NFXL1: variants seen among roughly 807,000 people sequenced by gnomAD.
NFXL1 encodes the protein nuclear transcription factor, X-box binding like 1.
NFXL1 carries 66 observed loss-of-function variants against 123.3 expected under a neutral mutation model. The observed-to-expected ratio is 0.54, with a 90% CI of 0.44 to 0.66. The LOEUF (loss-of-function observed/expected upper bound fraction) is 0.66, where lower values mean the gene tolerates loss of function less well. NFXL1 is among the 30% of genes least tolerant of loss of function. NFXL1 has a pLI of 0.00. For missense variants in NFXL1, 944 were observed against 1,125.6 expected (o/e 0.84, Z 2.31); for synonymous variants, 346 against 360.8 (o/e 0.96, Z 0.46).
At chr4:47,881,939 T>C (rs1375232273) in intron 15 of NFXL1, among the ~76,000 whole-genome samples, 3 of 152,170 alleles carry the variant, frequency 2.0e-5, no homozygotes, top group African/African-American at 4.8e-5. Context: ...AGTGAAACTA[T>C]TCTGTATGAA....
rs1734140624 is a variant in NFXL1 at position 47,851,930 on chromosome 4, T to G, written c.2434A>C (p.Asn812His). 6.2e-7 allele frequency: 1 copy of G among 1,608,050 alleles called. No homozygotes were observed. The highest frequency in any genetic ancestry group is 1.1e-5 in the South Asian group (1 of 90,816). Residue 812 changes from asparagine to histidine, a missense_variant, in exon 21 of 23, where the codon AAC (asparagine) becomes CAC (histidine). Transcript: ENST00000507489. ...GAAACCTGATTTTCACGTACTTTGT[T>G]GCACTGCAATTCCTACAAACAACCC... ...CKRIKKELQC[N>H]KVRENQVSIE...
Position 47,855,151 on chromosome 4 carries a change from G to T in NFXL1, c.2329C>A (p.His777Asn). 1.9e-6 allele frequency: 3 copies of T among 1,571,744 alleles called. No homozygotes were observed. Among genetic ancestry groups the T allele is most frequent in the South Asian group, 2.3e-5 (2 of 86,938 alleles). Residue 777 changes from histidine to asparagine, a missense_variant, in exon 20 of 23, where the codon CAT becomes AAT. Transcript: ENST00000507489. ...NQCPKELPCG[H>N]RCKEMCHPGE... Reference sequence around the variant, plus strand: ...GGATGACACATCTCTTTGCATCTATGACCACAAGGAAGCTAAAATAAAATC... The same window carrying T: ...GGATGACACATCTCTTTGCATCTATTACCACAAGGAAGCTAAAATAAAATC...
chr4:47,910,943 G>A lies in NFXL1; in HGVS notation c.287C>T (p.Ala96Val). The change falls in exon 3 of 23, where the codon GCA (alanine) becomes GTA (valine). Residue 96 changes from alanine (A) to valine (V), a missense_variant. By Grantham distance (64) the Ala-to-Val change is moderately conservative (BLOSUM62 0). This residue lies in a region of NFXL1 where 303 missense variants were observed against 292.1 expected (regional missense o/e 1.04). Coordinates refer to ENST00000507489, the MANE Select transcript of NFXL1 (RefSeq NM_001278624.2). ...CTGTTCTTCAACAAGTTTTCTGGCT[G>A]CAGCTTGGTTAGCTTTCTTGATTTC... is the stretch of plus-strand genomic sequence containing the variant. ...FEEIKKANQA[A>V]ARKLVEEQFS... 1 of 1,608,664 alleles carries A rather than the reference G, an allele frequency of 6.2e-7. No individual in the cohort carries two copies.
chr4:47,899,234 T>G, intron 6 of NFXL1, 114 bp from the exon 7 acceptor site: 1 of 1,280,792 alleles, frequency 7.8e-7, no homozygotes, highest in South Asian at 1.6e-5. Context: ...ACTGACACTT[T>G]ACAAAAGGCA....
At chr4:47,858,020 T>C (rs939153295) in intron 19 of NFXL1, among the ~76,000 whole-genome samples, 1 of 152,166 alleles carries the variant, frequency 6.6e-6, no homozygotes, top group Non-Finnish European at 1.5e-5. Context: ...AAGCCAAAAT[T>C]GATTCTGCAA....
chr4:47,887,293 A>C (rs2110082321), intron 12 of NFXL1, among the ~76,000 whole-genome samples: 1 of 152,314 alleles, frequency 6.6e-6, no homozygotes, highest in East Asian at 1.9e-4. Flanking sequence ...GTCAGGACCA[A>C]GCAAAACATG....
At chr4:47,914,316 T>G in intron 1 of NFXL1, 49 bp downstream of exon 1, 1 of 875,564 alleles carries the variant, frequency 1.1e-6, no homozygotes, top group Non-Finnish European at 1.7e-6. Context: ...TGAGGAAGGT[T>G]CCTGCAGGGC....
At chr4:47,851,832 A>C (rs1215696710) in intron 21 of NFXL1, 24 bp downstream of exon 21, 1 of 1,466,872 alleles carries the variant, frequency 6.8e-7, no homozygotes, top group South Asian at 1.2e-5. Flanking sequence ...CTAGTCTTTA[A>C]AATGATATTT....
chr4:47,863,294 A>G (rs1208841817), intron 18 of NFXL1, among the ~76,000 whole-genome samples: 2 of 152,234 alleles, frequency 1.3e-5, no homozygotes, highest in Non-Finnish European at 2.9e-5. Context: ...AAAACTAATT[A>G]TTTAATATGT....
chr4:47,899,298 A>AT (rs57320509), intron 6 of NFXL1, 72 bp downstream of exon 6: 23,359 of 1,080,732 alleles, frequency 0.022, 30 homozygotes, highest in African/African-American at 0.039. Flanking sequence ...AACTTTTACA[A>AT]TTTTTTTTTT....
chr4:47,897,937 T>C lies in NFXL1; in HGVS notation c.1204+30A>G, dbSNP rs1737181040. ...TTTCATGGCTTGACAGATCATTTCC[T>C]ATATAAATATAAAAAAAAACAAGTC... On this transcript the variant is annotated intron_variant, in intron 9 of 22. Transcript: ENST00000507489. The C allele has an allele frequency of 3.0e-6, 4 of 1,347,032 alleles. No individual in the cohort carries two copies. In the East Asian group the frequency reaches 9.3e-5, roughly 31 times the overall value. 83.4% of individuals were successfully genotyped at this position (1,347,032 alleles called of 1,614,324 possible).
intron 11 of NFXL1, among the ~76,000 whole-genome samples, chr4:47,892,052 T>C (rs1197949776): frequency 1.3e-5 from 2 of 152,228 alleles, no homozygotes; most frequent in Non-Finnish European, 2.9e-5. Context: ...GGTCCATGAC[T>C]TGAATAAGCC....
intron 18 of NFXL1, among the ~76,000 whole-genome samples, chr4:47,869,905 C>T (rs1735325370): frequency 1.3e-5 from 2 of 152,038 alleles, no homozygotes; most frequent in Middle Eastern, 6.8e-3. Context: ...AAATTTTAAT[C>T]ACGGTAAGCA....
chr4:47,878,340 A>G (rs554881745), intron 17 of NFXL1, among the ~76,000 whole-genome samples, 185 bp downstream of exon 17: 7 of 152,216 alleles, frequency 4.6e-5, no homozygotes, highest in African/African-American at 1.7e-4. Context: ...GAATAAAGAC[A>G]CAGAACTATA....
rs758170484 is a variant in NFXL1, at chr4:47,905,297, A to G, written c.456T>C (p.Ala152=). The G allele has an allele frequency of 6.2e-7, 1 of 1,603,994 alleles. No individual in the cohort carries two copies. The highest frequency in any genetic ancestry group is 1.3e-5 in the African/African-American group (1 of 74,838). The change falls in exon 4 of 23, where the codon GCT becomes GCC. Residue 152 remains alanine (A), a synonymous_variant. Transcript: ENST00000507489. ...GGCATGTCATAGCCCCTGCTTGAAA[A>G]GCTTCATTTACATATTGTTTTGTTC... The part of the protein sequence containing the change: ...LERTKQYVNE[A]FQAGAMTCLI...
intron 10 of NFXL1, among the ~76,000 whole-genome samples, chr4:47,895,623 G>A (rs1737040608): frequency 6.6e-6 from 1 of 152,194 alleles, no homozygotes; most frequent in South Asian, 2.1e-4. Context: ...CAGAATTGAA[G>A]TTAGGGCCTT....
chr4:47,852,106 G>C, intron 20 of NFXL1, 164 bp from the exon 21 acceptor site: 1 of 461,314 alleles, frequency 2.2e-6, no homozygotes, highest in Non-Finnish European at 3.8e-6. Context: ...GCTTCAAATA[G>C]TGATTACTTG....
chr4:47,906,745 A>T (rs1378518144), intron 3 of NFXL1, among the ~76,000 whole-genome samples: 2 of 152,216 alleles, frequency 1.3e-5, no homozygotes, highest in Non-Finnish European at 2.9e-5. Context: ...TACAAAATAA[A>T]AACCAACCTT....
At position 47,898,983 on chromosome 4, in the gene NFXL1, T is replaced by G. The variant is rs776876433; in HGVS notation, c.964A>C (p.Lys322Gln). ...CGQKLLCGQH[K>Q]CENPCHAGSC... Reference sequence around the variant, plus strand: ...CCTGCATGACAAGGATTTTCACACTTATGTTGCCCACAAAGCAACTTCTGT... The same window carrying G: ...CCTGCATGACAAGGATTTTCACACTGATGTTGCCCACAAAGCAACTTCTGT... The change falls in exon 7 of 23, where the codon AAG (lysine) becomes CAG (glutamine). Residue 322 changes from lysine to glutamine, a missense_variant. By Grantham distance (53) the Lys-to-Gln change is moderately conservative. Transcript: ENST00000507489. 3.7e-6 allele frequency: 6 copies of G among 1,614,070 alleles called. No individual in the cohort carries two copies. In the South Asian group the frequency reaches 6.6e-5, roughly 18 times the overall value.
Sources: allele counts gnomAD v4.1 joint callset (sites outside exome capture counted in the v4.1 genomes callset), GRCh38; gene constraint gnomAD v4.1.1; regional missense constraint gnomAD v4.1.1; transcripts MANE v1.5; gene names NCBI Gene and HGNC (gene_info 2026-07-23, HGNC 2026-07-21).